DHRSX: variants seen among roughly 807,000 people sequenced by gnomAD.
DHRSX encodes polyprenol dehydrogenase.
In DHRSX, 31 loss-of-function variants were observed where a neutral mutation model predicts 34.0. That is an observed-to-expected ratio of 0.91 (90% CI 0.69 to 1.23). DHRSX has a LOEUF of 1.23. Among genes scored for constraint, DHRSX ranks in the 50% most tolerant of loss-of-function variants. The pLI, the probability that DHRSX is intolerant of heterozygous loss-of-function variation, is 0.00. For missense variants in DHRSX, 414 were observed against 428.1 expected (o/e 0.97, Z 0.29); for synonymous variants, 201 against 183.8 (o/e 1.09, Z -0.76).
intron 5 of DHRSX, among the ~76,000 whole-genome samples, chrX:2,248,035 C>T (rs192824718): frequency 1.5e-4 from 23 of 152,234 alleles, no homozygotes; most frequent in East Asian, 3.9e-4. Flanking sequence ...CAGTGGCTCA[C>T]GGCTATAATC....
intron 1 of DHRSX, among the ~76,000 whole-genome samples, chrX:2,461,325 T>C (rs2044399177): frequency 6.6e-6 from 1 of 152,154 alleles, no homozygotes; most frequent in South Asian, 2.1e-4. Flanking sequence ...AAGGCAATCG[T>C]TCCTTCTGCA....
intron 1 of DHRSX, among the ~76,000 whole-genome samples, chrX:2,437,145 C>A (rs774611583): frequency 3.9e-5 from 6 of 152,100 alleles, no homozygotes; most frequent in Admixed American, 2.0e-4. Flanking sequence ...TTACAGGTGC[C>A]CGCCACCACA....
At chrX:2,363,001 A>G (rs999439235) in intron 3 of DHRSX, among the ~76,000 whole-genome samples, 2 of 104,146 alleles carry the variant, frequency 1.9e-5, no homozygotes, top group African/African-American at 3.2e-5. Context: ...TCACCGTTCT[A>G]TGATATCATG....
intron 3 of DHRSX, among the ~76,000 whole-genome samples, chrX:2,385,308 A>G (rs1034876681): frequency 2.0e-5 from 3 of 152,162 alleles, no homozygotes; most frequent in Non-Finnish European, 4.4e-5. Flanking sequence ...CCAGAGGGCT[A>G]TGGTGGTGGC....
intron 1 of DHRSX, among the ~76,000 whole-genome samples, chrX:2,452,889 C>A (rs184531055): frequency 6.6e-6 from 1 of 152,228 alleles, no homozygotes; most frequent in African/African-American, 2.4e-5. Flanking sequence ...GTCATCCCAC[C>A]ACTGGGTGTG....
At chrX:2,407,358 T>C (rs985499592) in intron 3 of DHRSX, among the ~76,000 whole-genome samples, 3 of 152,184 alleles carry the variant, frequency 2.0e-5, no homozygotes, top group African/African-American at 7.2e-5. Flanking sequence ...TTTGACAAGC[T>C]GCTGCTGTGG....
At chrX:2,373,592 G>C (rs1269035132) in intron 3 of DHRSX, among the ~76,000 whole-genome samples, 4 of 152,162 alleles carry the variant, frequency 2.6e-5, no homozygotes, top group Non-Finnish European at 5.9e-5. Flanking sequence ...GGACTGCAGT[G>C]CCGCTGAACC....
At chrX:2,471,124 G>C (rs1219924949) in intron 1 of DHRSX, among the ~76,000 whole-genome samples, 3 of 151,988 alleles carry the variant, frequency 2.0e-5, no homozygotes, top group African/African-American at 7.3e-5. Context: ...AAAATGACTC[G>C]CATTTCCAGG....
rs1603001002 is a variant in DHRSX at position 2,358,927 on chromosome X, C to A, written c.286+49818G>T. ...TCGCGCCACCGCACTCCAGCCTGGGCGACAGAGTGAGACTCTGTCTCGGAA... is the reference window on the plus strand; with the variant it reads ...TCGCGCCACCGCACTCCAGCCTGGGAGACAGAGTGAGACTCTGTCTCGGAA... On this transcript the variant is annotated intron_variant, in intron 3 of 6. Coordinates refer to ENST00000334651, the MANE Select transcript of DHRSX (RefSeq NM_145177.3). Among the ~76,000 whole-genome samples the A allele has an allele frequency of 2.1e-5, 3 of 145,472 alleles. 1 individual carries two copies. The highest frequency in any genetic ancestry group is 7.6e-5 in the African/African-American group (3 of 39,408).
intron 1 of DHRSX, among the ~76,000 whole-genome samples, chrX:2,450,966 G>T (rs775410485): frequency 7.2e-5 from 11 of 151,908 alleles, no homozygotes; most frequent in African/African-American, 2.7e-4. Context: ...CCCCTTCCAC[G>T]CAGAGAAAAT....
At chrX:2,276,349 G>A (rs1003069048) in intron 4 of DHRSX, among the ~76,000 whole-genome samples, 6 of 152,162 alleles carry the variant, frequency 3.9e-5, no homozygotes, top group Admixed American at 3.3e-4. Flanking sequence ...AGCATTCACG[G>A]AATCTGTCTC....
intron 3 of DHRSX, among the ~76,000 whole-genome samples, chrX:2,321,081 C>A (rs1602939086): frequency 6.6e-6 from 1 of 152,142 alleles, no homozygotes. Context: ...CAGTATCTGA[C>A]AAGCTCTCAT....
intron 1 of DHRSX, among the ~76,000 whole-genome samples, chrX:2,433,832 T>A (rs1239667662): frequency 6.6e-6 from 1 of 152,180 alleles, no homozygotes; most frequent in Non-Finnish European, 1.5e-5. Context: ...TGGAATGCAG[T>A]GGCGCAATAT....
chrX:2,469,002 A>G (rs1481007100), intron 1 of DHRSX, among the ~76,000 whole-genome samples: 1 of 151,778 alleles, frequency 6.6e-6, no homozygotes, highest in Non-Finnish European at 1.5e-5. Flanking sequence ...AATGCCGCTA[A>G]AAGACAGCAC....
Position 2,282,562 on chromosome X carries a change from G to A in DHRSX, c.388+8940C>T, listed in dbSNP as rs182150405. 4.3e-3 allele frequency among the ~76,000 whole-genome samples: 630 copies of A among 147,030 alleles called. 5 individuals carry two copies. Among genetic ancestry groups the A allele is most frequent in the African/African-American group, 0.015 (609 of 39,608 alleles). ...GATAGGGAGAAGAGGGAGGGTGTGC[G>A]AGAGGGAAACAGAAAGGGAGAGAGA... On this transcript the variant is annotated intron_variant, in intron 4 of 6. Transcript: ENST00000334651.
Position 2,220,266 on chromosome X carries a change from T to C in DHRSX, c.*775A>G, listed in dbSNP as rs2015493037. 2 of 152,170 alleles carry C rather than the reference T, an allele frequency of 1.3e-5. No individual in the cohort carries two copies. Among genetic ancestry groups the C allele is most frequent in the Admixed American group, 6.6e-5 (1 of 15,260 alleles). 9.4% of individuals were successfully genotyped at this position (152,170 alleles called of 1,614,324 possible). On this transcript the variant is annotated 3_prime_UTR_variant, in exon 7 of 7. Transcript: ENST00000334651. Reference sequence around the variant, plus strand: ...CAAATCTCCCTCTACCTGTCTCTGATAAGAACCCTCGTGATGGCATTAGGT... The same window carrying C: ...CAAATCTCCCTCTACCTGTCTCTGACAAGAACCCTCGTGATGGCATTAGGT...
chrX:2,490,349 T>C, intron 1 of DHRSX: 1 of 1,613,374 alleles, frequency 6.2e-7, no homozygotes, highest in South Asian at 1.1e-5. Context: ...CGTCAGCTCC[T>C]GCTGCTTCTT....
chrX:2,271,605 G>A (rs1272067718), intron 4 of DHRSX, among the ~76,000 whole-genome samples: 1 of 152,128 alleles, frequency 6.6e-6, no homozygotes, highest in African/African-American at 2.4e-5. Flanking sequence ...AACCAACTGG[G>A]AGGGATCCAA....
At chrX:2,252,780 G>A (rs2016462251) in intron 5 of DHRSX, among the ~76,000 whole-genome samples, 1 of 152,188 alleles carries the variant, frequency 6.6e-6, no homozygotes, top group Middle Eastern at 3.2e-3. Context: ...TGGGGTGGGG[G>A]TTAGGGATGA....
Sources: allele counts gnomAD v4.1 joint callset (sites outside exome capture counted in the v4.1 genomes callset), GRCh38; gene constraint gnomAD v4.1.1; transcripts MANE v1.5; gene names NCBI Gene and HGNC (gene_info 2026-07-23, HGNC 2026-07-21).